Variants in TRAF1 observed in about 807,000 individuals in gnomAD.
The protein encoded by TRAF1 is TNF receptor associated factor 1.
Under a neutral mutation model 40.9 loss-of-function variants are expected in TRAF1, and 23 were observed. The observed-to-expected ratio is 0.56, with a 90% confidence interval of 0.40 to 0.80. The LOEUF (loss-of-function observed/expected upper bound fraction) is 0.80. Ranked by LOEUF, TRAF1 falls within the 30% of genes least tolerant of loss-of-function variation. TRAF1 has a pLI of 0.00. For synonymous variants in TRAF1, 206 were observed against 218.8 expected (o/e 0.94, Z 0.52); for missense variants, 477 against 528.7 (o/e 0.90, Z 0.96).
At chr9:120,912,463 T>C (rs1359551037) in intron 5 of TRAF1, among the ~76,000 whole-genome samples, 1 of 152,132 alleles carries the variant, frequency 6.6e-6, no homozygotes, top group African/African-American at 2.4e-5. Flanking sequence ...GAGACCAGCC[T>C]GACCAACATG....
At chr9:120,923,155 A>C (rs535398145) in intron 3 of TRAF1, among the ~76,000 whole-genome samples, 2 of 152,328 alleles carry the variant, frequency 1.3e-5, no homozygotes, top group Non-Finnish European at 2.9e-5. Flanking sequence ...AACACTTCAG[A>C]ATTACAGGCA....
At chr9:120,911,184 G>T in intron 6 of TRAF1, 152 bp downstream of exon 6, 1 of 877,292 alleles carries the variant, frequency 1.1e-6, no homozygotes, top group Non-Finnish European at 1.7e-6. Flanking sequence ...ATCCCAGCAT[G>T]GTTCCTGCCC....
intron 3 of TRAF1, among the ~76,000 whole-genome samples, chr9:120,922,845 T>A (rs2046613873): frequency 1.3e-5 from 2 of 152,192 alleles, no homozygotes; most frequent in South Asian, 4.1e-4. Context: ...AATATCTTTT[T>A]TTGTTTTTTT....
At chr9:120,920,177 T>C (rs1446331620) in intron 3 of TRAF1, among the ~76,000 whole-genome samples, 2 of 152,176 alleles carry the variant, frequency 1.3e-5, no homozygotes, top group Non-Finnish European at 2.9e-5. Flanking sequence ...GGGGAAAGAC[T>C]GCTCAGTGTC....
rs146752840 is a variant in TRAF1 at position 120,919,648 on chromosome 9, C to T, written c.228+4057G>A. ...GGAGCTTGGTCAGTCTGCCACTGTC[C>T]GCCCGTTCCTGCCCTCCTCTGTAAC... On this transcript the variant is annotated intron_variant, in intron 3 of 7. Transcript: ENST00000373887. Among the ~76,000 whole-genome samples the T allele has an allele frequency of 7.8e-4, 118 of 152,240 alleles. No homozygotes were observed. In the East Asian group the frequency reaches 0.011, roughly 15 times the overall value.
At chr9:120,905,904 G>A (rs912700939) in intron 7 of TRAF1, among the ~76,000 whole-genome samples, 13 of 152,186 alleles carry the variant, frequency 8.5e-5, no homozygotes, top group African/African-American at 1.9e-4. Context: ...GACCCCCTGC[G>A]GAGACTTCAT....
At position 120,915,905 on chromosome 9, in the gene TRAF1, A is replaced by G. The variant is rs548072105; in HGVS notation, c.229-1605T>C. 2.6e-5 allele frequency among the ~76,000 whole-genome samples: 4 copies of G among 152,376 alleles called. No homozygotes were observed. The East Asian group carries it at 7.7e-4, about 29-fold the overall frequency. On this transcript the variant is annotated intron_variant, in intron 3 of 7. Transcript: ENST00000373887. ...TATCTTATAAAGTTAAATCATACTT[A>G]TAAAATAATTTACTTATAAACCATA...
chr9:120,926,711 G>C lies in TRAF1; in HGVS notation c.-388C>G, dbSNP rs958541663. On this transcript the variant is annotated 5_prime_UTR_variant, in exon 1 of 8. Transcript: ENST00000373887. The stretch of plus-strand genomic sequence containing the variant: ...CATCTGTAAAAAAGAAGTTGCAACA[G>C]GTGGCCTCTGGGCTGTAAGATTCTG... The C allele has an allele frequency of 2.0e-5, 3 of 152,270 alleles. No individual in the cohort carries two copies. The highest frequency in any genetic ancestry group is 7.2e-5 in the African/African-American group (3 of 41,452). 9.4% of individuals were successfully genotyped at this position (152,270 alleles called of 1,614,324 possible).
At position 120,905,553 on chromosome 9, in the gene TRAF1, G is replaced by A. The variant is rs561089716; in HGVS notation, c.1033-315C>T. ...CCAGTCAAGTGTGACTGGCTGTTGG[G>A]GGCAGAGGGTGTGACTGAAGCACTG... On this transcript the variant is annotated intron_variant, in intron 7 of 7. Coordinates refer to ENST00000373887, the MANE Select transcript of TRAF1 (RefSeq NM_005658.5). 7.2e-5 allele frequency among the ~76,000 whole-genome samples: 11 copies of A among 152,352 alleles called. No individual in the cohort carries two copies. In the East Asian group the frequency reaches 2.1e-3, roughly 29 times the overall value.
At chr9:120,914,599 T>C in intron 3 of TRAF1, 2 of 1,057,762 alleles carry the variant, frequency 1.9e-6, no homozygotes, top group Non-Finnish European at 2.3e-6. Flanking sequence ...CCCCGACTGG[T>C]CGGGGGGGCT....
chr9:120,904,951 G>A lies in TRAF1; in HGVS notation c.*69C>T, dbSNP rs1413651652. The A allele has an allele frequency of 2.0e-6, 3 of 1,478,134 alleles. No homozygotes were observed. The highest frequency in any genetic ancestry group is 1.3e-5 in the South Asian group (1 of 79,872). The allele number at this position is 1,478,134 out of a possible 1,614,324, so 91.6% of individuals were successfully genotyped here. A position where few individuals can be genotyped will look rare whatever the true frequency, so the allele number is the denominator to read the frequency against. On this transcript the variant is annotated 3_prime_UTR_variant, in exon 8 of 8. Transcript: ENST00000373887. ...TGTGCCCTGAGGTCTTGGGTGCCAA[G>A]GGCAGGGCATCACAGTCCTCTGGCT...
rs367789449 is a variant in TRAF1, at chr9:120,926,043, C to T, written c.33G>A (p.Pro11=). 184 of 1,606,936 alleles carry T rather than the reference C, an allele frequency of 1.1e-4. 1 individual carries two copies. The highest frequency in any genetic ancestry group is 1.5e-4 in the Non-Finnish European group (175 of 1,176,592). Reference sequence around the variant, plus strand: ...AGGGAAACTCATTCTCATCAGGGGCCGGGCGAGGACTGCTGCCTGAGCTGG... The same window carrying T: ...AGGGAAACTCATTCTCATCAGGGGCTGGGCGAGGACTGCTGCCTGAGCTGG... MASSSGSSPR[P]APDENEFPFG... is the part of the protein sequence containing the mutation. The change falls in exon 2 of 8, where the codon CCG becomes CCA. Residue 11 remains proline (P), a synonymous_variant. Coordinates refer to ENST00000373887, the MANE Select transcript of TRAF1 (RefSeq NM_005658.5).
chr9:120,918,897 T>C (rs1198337023), intron 3 of TRAF1, among the ~76,000 whole-genome samples: 1 of 152,126 alleles, frequency 6.6e-6, no homozygotes, highest in Non-Finnish European at 1.5e-5. Context: ...CTCACAGCCA[T>C]GAGGGGGAGG....
chr9:120,921,394 GA>G (rs1450441311), intron 3 of TRAF1, among the ~76,000 whole-genome samples: 2 of 151,834 alleles, frequency 1.3e-5, no homozygotes, highest in South Asian at 2.1e-4. Context: ...TGAAAAAGAT[GA>G]AAAAAAGCCA....
intron 7 of TRAF1, among the ~76,000 whole-genome samples, chr9:120,906,200 A>C: frequency 7.6e-6 from 1 of 131,316 alleles, no homozygotes; most frequent in Non-Finnish European, 1.6e-5. Flanking sequence ...TTTTTTTGAG[A>C]CAGAGTTTCG....
intron 3 of TRAF1, 197 bp from the exon 4 acceptor site, chr9:120,914,497 T>G: frequency 8.3e-7 from 1 of 1,207,880 alleles, no homozygotes; most frequent in Non-Finnish European, 1.0e-6. Context: ...AAACAGGACC[T>G]GGGCCCTTAC....
intron 6 of TRAF1, among the ~76,000 whole-genome samples, chr9:120,910,391 C>T (rs752904964): frequency 2.9e-4 from 44 of 152,268 alleles, no homozygotes; most frequent in Non-Finnish European, 5.6e-4. Context: ...TGACACACTC[C>T]GCTGCCTCGT....
In TRAF1 at chr9:120,903,921, C is replaced by G. The variant is rs2046458976; in HGVS notation, c.*1099G>C. The G allele has an allele frequency of 6.6e-6, 1 of 152,258 alleles. No individual in the cohort carries two copies. Among genetic ancestry groups the G allele is most frequent in the African/African-American group, 2.4e-5 (1 of 41,464 alleles). 9.4% of individuals were successfully genotyped at this position (152,258 alleles called of 1,614,324 possible). A position where few individuals can be genotyped will look rare whatever the true frequency, so the allele number is the denominator to read the frequency against. ...TCAGCAATGGCCTTTTCAAACCTGG[C>G]TCAGTACAAACAACTCCCAAACCAT... On this transcript the variant is annotated 3_prime_UTR_variant, in exon 8 of 8. Transcript: ENST00000373887.
intron 3 of TRAF1, among the ~76,000 whole-genome samples, chr9:120,919,189 C>T (rs1284565642): frequency 6.6e-6 from 1 of 152,160 alleles, no homozygotes; most frequent in Non-Finnish European, 1.5e-5. Context: ...ACAAGTGGCC[C>T]CTGTGTGAGT....
Sources: allele counts gnomAD v4.1 joint callset (sites outside exome capture counted in the v4.1 genomes callset), GRCh38; gene constraint gnomAD v4.1.1; transcripts MANE v1.5; gene names NCBI Gene and HGNC (gene_info 2026-07-23, HGNC 2026-07-21).